The following SIAH3 variants were observed in gnomAD, a reference collection of about 807,000 sequenced individuals.
SIAH3 encodes the protein siah E3 ubiquitin protein ligase family member 3, also known as seven in absentia homolog 3.
In SIAH3, 9 loss-of-function variants were observed where a neutral mutation model predicts 12.6. That is an observed-to-expected ratio of 0.72 (90% confidence interval 0.43 to 1.25). The LOEUF (loss-of-function observed/expected upper bound fraction) is 1.25, where lower values mean the gene tolerates loss of function less well. SIAH3 is among the 50% of genes most tolerant of loss of function. SIAH3 has a pLI of 0.00. For synonymous variants in SIAH3, 154 were observed against 151.1 expected (o/e 1.02, Z -0.14); for missense variants, 390 against 365.4 (o/e 1.07, Z -0.55).
intron 1 of SIAH3, among the ~76,000 whole-genome samples, chr13:45,808,289 TACAG>T (rs1950604780): frequency 6.6e-6 from 1 of 152,174 alleles, no homozygotes; most frequent in South Asian, 2.1e-4. Context: ...CACAAAAAAT[TACAG>T]AAATAGTCTT....
Position 45,851,691 on chromosome 13 carries a change from C to T in SIAH3, c.-62G>A, listed in dbSNP as rs1426181424. Reference sequence around the variant, plus strand: ...CGGAGGAAGCTGTGAGTCCTTGGGCCCTGGAAGGAGCGCAGCCTCTGAGAC... The same window carrying T: ...CGGAGGAAGCTGTGAGTCCTTGGGCTCTGGAAGGAGCGCAGCCTCTGAGAC... On this transcript the variant is annotated 5_prime_UTR_variant, in exon 1 of 2. Coordinates refer to ENST00000400405, the MANE Select transcript of SIAH3 (RefSeq NM_198849.3). 4 of 1,608,598 alleles carry T rather than the reference C, an allele frequency of 2.5e-6. No homozygotes were observed. The East Asian group carries it at 6.7e-5, about 27-fold the overall frequency.
In SIAH3 at chr13:45,783,936, T is replaced by G; in HGVS notation, c.257A>C (p.His86Pro). ...CTCCTGGTGGTGAAGGTGGTGGGGG[T>G]GGGCGTGGTGGCGGAGGTGGTGGTG... ...RHHHHLRHHA[H>P]PHHLHHQEAG... Residue 86 changes from histidine to proline, a missense_variant, in exon 2 of 2, where the codon CAC (histidine) becomes CCC (proline). Transcript: ENST00000400405. The G allele has an allele frequency of 6.2e-7, 1 of 1,606,436 alleles. No homozygotes were observed.
chr13:45,837,726 ATTC>A (rs1950723753), intron 1 of SIAH3, among the ~76,000 whole-genome samples: 1 of 152,196 alleles, frequency 6.6e-6, no homozygotes, highest in South Asian at 2.1e-4. Flanking sequence ...TACCATATTA[ATTC>A]TTCTTTAGTC....
At chr13:45,811,274 T>A (rs1950615454) in intron 1 of SIAH3, among the ~76,000 whole-genome samples, 2 of 152,200 alleles carry the variant, frequency 1.3e-5, no homozygotes. Context: ...GAGGCAGGAC[T>A]AGTTGGAGAG....
intron 1 of SIAH3, among the ~76,000 whole-genome samples, chr13:45,812,984 C>T (rs896078944): frequency 1.3e-5 from 2 of 152,228 alleles, no homozygotes; most frequent in Non-Finnish European, 2.9e-5. Context: ...TGAAGCCCAT[C>T]CAGGCCTTCT....
intron 1 of SIAH3, among the ~76,000 whole-genome samples, chr13:45,846,735 T>G (rs969706676): frequency 6.6e-6 from 1 of 152,152 alleles, no homozygotes; most frequent in African/African-American, 2.4e-5. Flanking sequence ...TTCCACCAAA[T>G]TTGCTTCGGG....
chr13:45,851,641 G>C lies in SIAH3; in HGVS notation c.-12C>G, dbSNP rs756957502. ...GTAAAGAAAAGCATCACAACTTTTG[G>C]GGGGTTGTTGGTCCGGGAAGGCAGC... On this transcript the variant is annotated 5_prime_UTR_variant, in exon 1 of 2. Transcript: ENST00000400405. 3 of 1,614,130 alleles carry C rather than the reference G, an allele frequency of 1.9e-6. No individual in the cohort carries two copies. Among genetic ancestry groups the C allele is most frequent in the South Asian group, 2.2e-5 (2 of 91,068 alleles).
chr13:45,783,829 C>T lies in SIAH3; in HGVS notation c.364G>A (p.Val122Met), dbSNP rs761601166. ...ATCTGCCGCAGGTGGGGCACCACCA[C>T]CTCCAGGCGGCCTTCCCACTGGCAG... The part of the protein sequence containing the change: ...FSCQWEGRLE[V>M]VVPHLRQIHR... Residue 122 changes from valine (V) to methionine (M), a missense_variant, in exon 2 of 2, where the codon GTG becomes ATG. By Grantham distance (21) the Val-to-Met change is conservative. Coordinates refer to ENST00000400405, the MANE Select transcript of SIAH3 (RefSeq NM_198849.3). 6.2e-7 allele frequency: 1 copy of T among 1,614,196 alleles called. No homozygotes were observed. The highest frequency in any genetic ancestry group is 8.5e-7 in the Non-Finnish European group (1 of 1,180,038).
rs1555256292 is a variant in SIAH3 at position 45,784,396 on chromosome 13, C to CTTTTTTTTTTTTTTTTTTTTTTTTTTT, written c.136-340_136-339insAAAAAAAAAAAAAAAAAAAAAAAAAAA. 4.9e-5 allele frequency among the ~76,000 whole-genome samples: 5 copies of CTTTTTTTTTTTTTTTTTTTTTTTTTTT among 102,014 alleles called. 1 individual carries two copies. The highest frequency in any genetic ancestry group is 1.6e-4 in the African/African-American group (4 of 25,596). 66.9% of individuals were successfully genotyped at this position (102,014 alleles called of 152,430 possible). A position where few individuals can be genotyped will look rare whatever the true frequency, so the allele number is the denominator to read the frequency against. Reference sequence around the variant, plus strand: ...CATCAATCACAAAGAACAAAGACAGCTGTTTTTTTTTTTTTTTTTTTTTTT... The same window carrying CTTTTTTTTTTTTTTTTTTTTTTTTTTT: ...CATCAATCACAAAGAACAAAGACAGCTTTTTTTTTTTTTTTTTTTTTTTTTTTTGTTTTTTTTTTTTTTTTTTTTTTT... On this transcript the variant is annotated intron_variant, in intron 1 of 1. Transcript: ENST00000400405.
At position 45,778,358 on chromosome 13, in the gene SIAH3, A is replaced by G. The variant is rs553588623; in HGVS notation, c.*5025T>C. ...CTGGTTTTGCTTTTTGGATTGGGAT[A>G]GCCAATAGGCTGAGTTTGCGGAGCC... On this transcript the variant is annotated 3_prime_UTR_variant, in exon 2 of 2. Coordinates refer to ENST00000400405, the MANE Select transcript of SIAH3 (RefSeq NM_198849.3). 6.6e-6 allele frequency: 1 copy of G among 152,362 alleles called. No homozygotes were observed. Among genetic ancestry groups the G allele is most frequent in the South Asian group, 2.1e-4 (1 of 4,830 alleles). The allele number at this position is 152,362 out of a possible 1,614,324, so 9.4% of individuals were successfully genotyped here.
At chr13:45,808,001 A>G (rs979953983) in intron 1 of SIAH3, among the ~76,000 whole-genome samples, 8 of 152,222 alleles carry the variant, frequency 5.3e-5, no homozygotes, top group African/African-American at 1.4e-4. Context: ...GGTTGCTTAC[A>G]TATCTGTAAA....
chr13:45,820,116 T>C (rs1566093338), intron 1 of SIAH3, among the ~76,000 whole-genome samples: 1 of 152,214 alleles, frequency 6.6e-6, no homozygotes, highest in Non-Finnish European at 1.5e-5. Context: ...GCACGACTTA[T>C]GTGTCTCTTA....
intron 1 of SIAH3, among the ~76,000 whole-genome samples, chr13:45,817,532 G>A (rs1826831541): frequency 6.6e-6 from 1 of 152,188 alleles, no homozygotes; most frequent in African/African-American, 2.4e-5. Flanking sequence ...GATTCTATCC[G>A]GGTGGGCCCT....
intron 1 of SIAH3, among the ~76,000 whole-genome samples, chr13:45,837,591 A>AGGAG (rs981896070): frequency 7.7e-6 from 1 of 129,052 alleles, no homozygotes; most frequent in East Asian, 2.6e-4. Flanking sequence ...GAAGGAAGGA[A>AGGAG]GGAGGGAGGG....
chr13:45,829,057 C>T (rs896661596), intron 1 of SIAH3, among the ~76,000 whole-genome samples: 1 of 152,004 alleles, frequency 6.6e-6, no homozygotes, highest in Admixed American at 6.5e-5. Context: ...CTAGAATTAC[C>T]GCTGATTAAG....
Position 45,778,992 on chromosome 13 carries a change from T to G in SIAH3, c.*4391A>C, listed in dbSNP as rs1950494224. 1 of 152,204 alleles carries G rather than the reference T, an allele frequency of 6.6e-6. No individual in the cohort carries two copies. Among genetic ancestry groups the G allele is most frequent in the Non-Finnish European group, 1.5e-5 (1 of 68,034 alleles). 9.4% of individuals were successfully genotyped at this position (152,204 alleles called of 1,614,324 possible). A position where few individuals can be genotyped will look rare whatever the true frequency, so the allele number is the denominator to read the frequency against. On this transcript the variant is annotated 3_prime_UTR_variant, in exon 2 of 2. Transcript: ENST00000400405. ...GAGGGATGATTATACTGTTAAGTGC[T>G]TAACAACTGGCTTTCTAGGGAGAAA...
intron 1 of SIAH3, among the ~76,000 whole-genome samples, chr13:45,801,132 C>T (rs1322644493): frequency 6.6e-6 from 1 of 151,374 alleles, no homozygotes. Context: ...CTATTTTGGC[C>T]TCCGGGAGTT....
chr13:45,777,697 AACAATCTGACTAGGAG>A lies in SIAH3; in HGVS notation c.*5670_*5685del, dbSNP rs1950489364. The A allele has an allele frequency of 6.6e-6, 1 of 152,230 alleles. No individual in the cohort carries two copies. Among genetic ancestry groups the A allele is most frequent in the Non-Finnish European group, 1.5e-5 (1 of 68,050 alleles). The allele number at this position is 152,230 out of a possible 1,614,324, so 9.4% of individuals were successfully genotyped here. A position where few individuals can be genotyped will look rare whatever the true frequency, so the allele number is the denominator to read the frequency against. ...TTATGAACAAAAAAATCTGAAATTTAACAATCTGACTAGGAGACGCCACTCATGATGCTATTTGCAG... is the reference window on the plus strand; with the variant it reads ...TTATGAACAAAAAAATCTGAAATTTAACGCCACTCATGATGCTATTTGCAG... On this transcript the variant is annotated 3_prime_UTR_variant, in exon 2 of 2. Coordinates refer to ENST00000400405, the MANE Select transcript of SIAH3 (RefSeq NM_198849.3).
Position 45,783,893 on chromosome 13 carries a change from G to C in SIAH3, c.300C>G (p.Asn100Lys), listed in dbSNP as rs2137546711. The change falls in exon 2 of 2, where the codon AAC becomes AAG. Residue 100 changes from asparagine to lysine, a missense_variant. Physicochemically the swap from Asn to Lys is moderately conservative, Grantham distance 94. Transcript: ENST00000400405. ...ACATGCACAGGCAGGGCGTCACCGG[G>C]TTGGCGTGCAGCCCCGCCTCCTGGT... Reference protein sequence around the residue: ...LHHQEAGLHANPVTPCLCMCP... With the variant: ...LHHQEAGLHAKPVTPCLCMCP... 1.2e-6 allele frequency: 2 copies of C among 1,612,486 alleles called. No individual in the cohort carries two copies. The highest frequency in any genetic ancestry group is 2.7e-5 in the African/African-American group (2 of 75,048).
Sources: gnomAD v4.1 joint callset for allele counts (sites outside exome capture counted in the v4.1 genomes callset) on GRCh38, gnomAD v4.1.1 for gene constraint, MANE v1.5 for transcripts, NCBI Gene and HGNC (gene_info 2026-07-23, HGNC 2026-07-21) for gene names.